Variants in IL7 observed in about 807,000 individuals in gnomAD.
The protein encoded by IL7 is interleukin-7.
In IL7, 3 loss-of-function variants were observed where a neutral mutation model predicts 21.6. The ratio of observed to expected loss-of-function variants is 0.14; its 90% confidence interval spans 0.06 to 0.36. The LOEUF (loss-of-function observed/expected upper bound fraction) is 0.36. IL7 is among the 10% of genes least tolerant of loss of function. IL7 has a pLI of 1.00. For synonymous variants in IL7, 62 were observed against 68.1 expected (o/e 0.91, Z 0.44); for missense variants, 175 against 200.2 (o/e 0.87, Z 0.76).
chr8:78,693,000 T>G (rs1000949135), intron 3 of IL7, among the ~76,000 whole-genome samples: 4 of 152,014 alleles, frequency 2.6e-5, no homozygotes, highest in Non-Finnish European at 5.9e-5. Context: ...TTTGTCCTTG[T>G]GATAGTTTGC....
chr8:78,729,183 T>C (rs1422807475), downstream of IL7, among the ~76,000 whole-genome samples: 3 of 152,022 alleles, frequency 2.0e-5, no homozygotes, highest in African/African-American at 7.2e-5. Flanking sequence ...CTGTTTCATC[T>C]AACCTAAAAT....
chr8:78,691,480 G>A (rs1369011820), intron 3 of IL7, among the ~76,000 whole-genome samples: 2 of 151,850 alleles, frequency 1.3e-5, no homozygotes, highest in East Asian at 3.9e-4. Flanking sequence ...ATGTGTTTTT[G>A]CATTGCTATA....
intron 1 of IL7, among the ~76,000 whole-genome samples, chr8:78,800,356 G>A (rs1814011642): frequency 6.6e-6 from 1 of 152,044 alleles, no homozygotes; most frequent in Non-Finnish European, 1.5e-5. Context: ...GGAGTGCAGT[G>A]GCATGATCAT....
intron 4 of IL7, among the ~76,000 whole-genome samples, chr8:78,680,286 CAAAAAAAAAAAAAAAAAAA>C (rs3070855): frequency 2.3e-5 from 2 of 88,150 alleles, no homozygotes; most frequent in African/African-American, 4.5e-5. Flanking sequence ...GACTCCGTCT[CAAAAAAAAAAAAAAAAAAA>C]AAAAAAAAAA....
intron 3 of IL7, among the ~76,000 whole-genome samples, chr8:78,687,993 A>T (rs1157485006): frequency 6.8e-6 from 1 of 146,292 alleles, no homozygotes; most frequent in Non-Finnish European, 1.5e-5. Flanking sequence ...TTATATATAT[A>T]TAAATATAAA....
intron 3 of IL7, among the ~76,000 whole-genome samples, chr8:78,708,158 T>G (rs1810837778): frequency 6.6e-6 from 1 of 152,212 alleles, no homozygotes; most frequent in Admixed American, 6.5e-5. Context: ...AAGGTTGAAT[T>G]AAGACATTTG....
chr8:78,729,225 CTCCCCATGGAACTTTTTTCTGACTGTTT>C (rs1811382446), downstream of IL7, among the ~76,000 whole-genome samples: 1 of 151,986 alleles, frequency 6.6e-6, no homozygotes, highest in South Asian at 2.1e-4. Flanking sequence ...TTCTGATGTT[CTCCCCATGGAACTTTTTTCTGACTGTTT>C]TCCCTTTTCT....
chr8:78,796,634 GC>G (rs1813862668), intron 2 of IL7, among the ~76,000 whole-genome samples: 1 of 151,846 alleles, frequency 6.6e-6, no homozygotes, highest in African/African-American at 2.4e-5. Context: ...TATACAAATG[GC>G]AAAAAGTATC....
chr8:78,687,840 T>C (rs1182353625), intron 3 of IL7, among the ~76,000 whole-genome samples: 3 of 13,792 alleles, frequency 2.2e-4, no homozygotes, highest in African/African-American at 3.1e-4. Context: ...TAATAAATTA[T>C]ATATATATTT....
chr8:78,750,754 G>T (rs1032975118), intron 2 of IL7, among the ~76,000 whole-genome samples: 25 of 152,142 alleles, frequency 1.6e-4, no homozygotes, highest in Non-Finnish European at 3.4e-4. Context: ...AACCTGAGAG[G>T]TGGAGGTTTC....
intron 3 of IL7, among the ~76,000 whole-genome samples, chr8:78,691,072 T>G (rs1182177072): frequency 6.6e-6 from 1 of 152,160 alleles, no homozygotes; most frequent in Non-Finnish European, 1.5e-5. Context: ...CTTTTATTTC[T>G]TTTTTGTGAT....
chr8:78,706,419 A>T (rs923225636), intron 3 of IL7, among the ~76,000 whole-genome samples: 1 of 152,098 alleles, frequency 6.6e-6, no homozygotes. Context: ...AAGACTCCCC[A>T]TATCTGTATG....
chr8:78,799,592 T>C (rs965346728), intron 1 of IL7, among the ~76,000 whole-genome samples: 1 of 152,128 alleles, frequency 6.6e-6, no homozygotes, highest in Non-Finnish European at 1.5e-5. Flanking sequence ...ATGATGATGC[T>C]AGTTACCTTT....
exon 5 of IL7, chr8:78,675,776 TC>T (rs766166137): frequency 6.3e-7 from 1 of 1,589,392 alleles, no homozygotes. Flanking sequence ...TTAAATTCCT[TC>T]CTGTTTTAGA....
chr8:78,774,627 T>C (rs1813071454), intron 2 of IL7, among the ~76,000 whole-genome samples: 1 of 152,052 alleles, frequency 6.6e-6, no homozygotes, highest in Non-Finnish European at 1.5e-5. Flanking sequence ...ACCCATAACA[T>C]AGCGTGTTTT....
rs779322402 is a variant in IL7 at position 78,736,483 on chromosome 8, T to A, written c.405A>T (p.Thr135=). ...KPAALGEAQP[T]KSLEENKSLK... is the part of the protein sequence containing the mutation. ...ATACAATTATTCTCACCAAACTCTTTGTTGGTTGGGCTTCACCCAGGGCAG... is the reference window on the plus strand; with the variant it reads ...ATACAATTATTCTCACCAAACTCTTAGTTGGTTGGGCTTCACCCAGGGCAG... Residue 135 remains threonine (T), a synonymous_variant, in exon 5 of 6, where the codon ACA becomes ACT. Transcript: ENST00000263851. 3 of 1,598,194 alleles carry A rather than the reference T, an allele frequency of 1.9e-6. No homozygotes were observed. The South Asian group carries it at 3.4e-5, about 18-fold the overall frequency.
At chr8:78,681,901 C>CTTTTTTT (rs56181953) in intron 4 of IL7, among the ~76,000 whole-genome samples, 11 of 126,464 alleles carry the variant, frequency 8.7e-5, no homozygotes, top group Non-Finnish European at 1.5e-4. Flanking sequence ...CTTTTTCTTT[C>CTTTTTTT]TTTTTTTTTT....
At chr8:78,773,902 T>C (rs1033413930) in intron 2 of IL7, among the ~76,000 whole-genome samples, 1 of 152,124 alleles carries the variant, frequency 6.6e-6, no homozygotes, top group East Asian at 1.9e-4. Context: ...GTAGGAATTC[T>C]GCCTCATTGC....
At chr8:78,701,479 C>A (rs1218798284) in intron 3 of IL7, among the ~76,000 whole-genome samples, 2 of 152,160 alleles carry the variant, frequency 1.3e-5, no homozygotes, top group African/African-American at 4.8e-5. Context: ...TTTGGATGCC[C>A]CTTTATTTCT....
Sources: allele counts gnomAD v4.1 joint callset (sites outside exome capture counted in the v4.1 genomes callset), GRCh38; gene constraint gnomAD v4.1.1; transcripts MANE v1.5; gene names NCBI Gene and HGNC (gene_info 2026-07-23, HGNC 2026-07-21).